The following TUBGCP3 variants were observed in gnomAD, a reference collection of about 807,000 sequenced individuals.
TUBGCP3 encodes gamma-tubulin complex component 3.
Under a neutral mutation model 123.1 loss-of-function variants are expected in TUBGCP3, and 50 were observed. The ratio of observed to expected loss-of-function variants is 0.41; its 90% CI spans 0.32 to 0.51. The LOEUF is 0.51. Ranked by LOEUF, TUBGCP3 falls within the 20% of genes least tolerant of loss-of-function variation. TUBGCP3 has a pLI of 0.36. For missense variants in TUBGCP3, 882 were observed against 1,127.0 expected (o/e 0.78, Z 3.11); for synonymous variants, 405 against 413.9 (o/e 0.98, Z 0.26).
At chr13:112,555,034 T>C (rs763374373) in intron 6 of TUBGCP3, 29 bp from the exon 7 acceptor site, 1 of 1,367,448 alleles carries the variant, frequency 7.3e-7, no homozygotes, top group African/African-American at 1.5e-5. Flanking sequence ...AAGACAGTAA[T>C]TACTAGACAA....
At chr13:112,542,103 C>A (rs905584391) in intron 11 of TUBGCP3, among the ~76,000 whole-genome samples, 1 of 152,160 alleles carries the variant, frequency 6.6e-6, no homozygotes, top group Non-Finnish European at 1.5e-5. Flanking sequence ...TAAATCTACA[C>A]CACTAAGCAT....
intron 8 of TUBGCP3, among the ~76,000 whole-genome samples, chr13:112,548,388 T>C (rs1288426015): frequency 1.3e-5 from 2 of 152,176 alleles, no homozygotes; most frequent in African/African-American, 2.4e-5. Flanking sequence ...ACAAAAAGCA[T>C]GAACTTTGCA....
chr13:112,590,114 C>G (rs996235355), upstream of TUBGCP3, among the ~76,000 whole-genome samples: 2 of 151,904 alleles, frequency 1.3e-5, no homozygotes, highest in Non-Finnish European at 1.5e-5. Context: ...CTAGCTGGGA[C>G]TACAGGCACC....
At chr13:112,549,796 T>C (rs1428760044) in intron 8 of TUBGCP3, among the ~76,000 whole-genome samples, 1 of 151,826 alleles carries the variant, frequency 6.6e-6, no homozygotes, top group Non-Finnish European at 1.5e-5. Flanking sequence ...GAGACCATCC[T>C]GGCTAACATG....
At chr13:112,563,673 C>CT (rs1188138957) in intron 3 of TUBGCP3, among the ~76,000 whole-genome samples, 1 of 147,402 alleles carries the variant, frequency 6.8e-6, no homozygotes, top group African/African-American at 2.6e-5. Context: ...ACCATCCTGG[C>CT]TAACACCGTG....
At chr13:112,588,828 G>A (rs1882804821), upstream of TUBGCP3, among the ~76,000 whole-genome samples, 2 of 152,168 alleles carry the variant, frequency 1.3e-5, no homozygotes, top group African/African-American at 4.8e-5. Flanking sequence ...AAGAGATCCC[G>A]AGATCCTATG....
intron 11 of TUBGCP3, among the ~76,000 whole-genome samples, chr13:112,544,107 G>A (rs1218546940): frequency 3.9e-5 from 6 of 152,178 alleles, no homozygotes; most frequent in South Asian, 2.1e-4. Flanking sequence ...TGATAGCTGC[G>A]TCAACCTGGA....
At chr13:112,507,806 C>A (rs950998388) in intron 17 of TUBGCP3, among the ~76,000 whole-genome samples, 3 of 152,096 alleles carry the variant, frequency 2.0e-5, no homozygotes, top group Non-Finnish European at 4.4e-5. Context: ...GAATTTTTTT[C>A]TCCGGCTTCA....
At position 112,489,584 on chromosome 13, in the gene TUBGCP3, G is replaced by A. The variant is rs1305811132; in HGVS notation, c.2562C>T (p.Tyr854=). The part of the protein sequence containing the change: ...CSQLRILTHF[Y]QGIVQQFLVL... The stretch of plus-strand genomic sequence containing the variant: ...CACTCTGTATCCTCATACACACCTG[G>A]TAGAAATGGGTCAATATTCGCAACT... The change falls in exon 21 of 22, where the codon TAC becomes TAT. Residue 854 remains tyrosine (Y), a synonymous_variant. Coordinates refer to ENST00000261965, the MANE Select transcript of TUBGCP3 (RefSeq NM_006322.6). The A allele has an allele frequency of 2.5e-6, 4 of 1,609,672 alleles. No individual in the cohort carries two copies. Among genetic ancestry groups the A allele is most frequent in the Middle Eastern group, 1.7e-4 (1 of 6,056 alleles).
chr13:112,595,957 G>A, the TUBGCP3 span, among the ~76,000 whole-genome samples: 2 of 151,964 alleles, frequency 1.3e-5, 1 homozygote, highest in Non-Finnish European at 2.9e-5. Flanking sequence ...GTTTCCCAGT[G>A]CATCTTTTTT....
intron 1 of TUBGCP3, among the ~76,000 whole-genome samples, chr13:112,581,321 G>C (rs958668900): frequency 1.5e-5 from 2 of 134,794 alleles, no homozygotes; most frequent in Non-Finnish European, 3.2e-5. Flanking sequence ...TGGGGTCACA[G>C]GGTCGGGGTA....
chr13:112,545,505 C>T lies in TUBGCP3; in HGVS notation c.1335+194G>A, dbSNP rs1353223675. The T allele has an allele frequency of 2.3e-5, 13 of 577,652 alleles. No individual in the cohort carries two copies. The highest frequency in any genetic ancestry group is 3.3e-5 in the Non-Finnish European group (11 of 334,564). 35.8% of individuals were successfully genotyped at this position (577,652 alleles called of 1,614,324 possible). A position where few individuals can be genotyped will look rare whatever the true frequency, so the allele number is the denominator to read the frequency against. ...GGACAATTCTCCACTAACCAAAGAA[C>T]TCGTGAACTTATCTGCTGTTCAGTG... On this transcript the variant is annotated intron_variant, in intron 11 of 21. Coordinates refer to ENST00000261965, the MANE Select transcript of TUBGCP3 (RefSeq NM_006322.6). The surrounding 1 kb of genome is among the most constrained non-coding windows in gnomAD (Gnocchi z 4.1).
At chr13:112,560,515 T>G (rs1880429261) in intron 3 of TUBGCP3, among the ~76,000 whole-genome samples, 1 of 152,188 alleles carries the variant, frequency 6.6e-6, no homozygotes, top group African/African-American at 2.4e-5. Flanking sequence ...TCATACAGAT[T>G]TCATTAATTT....
chr13:112,515,658 T>C (rs953803413), intron 17 of TUBGCP3, among the ~76,000 whole-genome samples: 5 of 152,202 alleles, frequency 3.3e-5, no homozygotes, highest in African/African-American at 1.2e-4. Flanking sequence ...CTCAGCTAAT[T>C]CAGAGGATTC....
chr13:112,513,018 C>G (rs544444414), intron 17 of TUBGCP3, among the ~76,000 whole-genome samples: 1 of 152,032 alleles, frequency 6.6e-6, no homozygotes, highest in South Asian at 2.1e-4. Flanking sequence ...CATAAGAGAT[C>G]GATTTTATTT....
intron 11 of TUBGCP3, 106 bp from the exon 12 acceptor site, chr13:112,527,590 G>A (rs1207009917): frequency 2.8e-6 from 2 of 725,464 alleles, no homozygotes; most frequent in Admixed American, 2.3e-5. Context: ...AAGTTCTCCA[G>A]ACACAGGGAG....
intron 1 of TUBGCP3, among the ~76,000 whole-genome samples, chr13:112,586,222 C>T (rs1485869980): frequency 6.7e-6 from 1 of 149,784 alleles, no homozygotes; most frequent in African/African-American, 2.5e-5. Context: ...CCTGGGCGAC[C>T]AGAGTGAGAC....
At chr13:112,550,969 G>T (rs1257362616) in intron 8 of TUBGCP3, among the ~76,000 whole-genome samples, 4 of 152,122 alleles carry the variant, frequency 2.6e-5, no homozygotes, top group Non-Finnish European at 5.9e-5. Flanking sequence ...CGTGGTGGTG[G>T]GTGCCTGTGG....
chr13:112,515,027 G>C (rs1046730193), intron 17 of TUBGCP3, among the ~76,000 whole-genome samples: 1 of 152,074 alleles, frequency 6.6e-6, no homozygotes, highest in Non-Finnish European at 1.5e-5. Flanking sequence ...TGTGAAGCAG[G>C]ATCCTAGCGA....
Sources: gnomAD v4.1 joint callset for allele counts (sites outside exome capture counted in the v4.1 genomes callset) on GRCh38, gnomAD v4.1.1 for gene constraint, Gnocchi (gnomAD v3.1) non-coding constraint, MANE v1.5 for transcripts, NCBI Gene and HGNC (gene_info 2026-07-23, HGNC 2026-07-21) for gene names.